The following CPED1 variants were observed in gnomAD, a reference collection of about 807,000 sequenced individuals.
CPED1 encodes the protein cadherin-like and PC-esterase domain-containing protein 1.
In CPED1, 114 loss-of-function variants were observed where a neutral mutation model predicts 128.2. The ratio of observed to expected loss-of-function variants is 0.89; its 90% confidence interval spans 0.76 to 1.04. The LOEUF is 1.04. CPED1 is among the 50% of genes least tolerant of loss of function. The probability of loss-of-function intolerance (pLI) is 0.00; values close to 1 mark genes in which losing one functional copy is unlikely to be tolerated. For missense variants in CPED1, 1,211 were observed against 1,207.1 expected (o/e 1.00, Z -0.05); for synonymous variants, 462 against 426.7 (o/e 1.08, Z -1.02).
chr7:121,118,557 T>TAA (rs34002082), intron 7 of CPED1, among the ~76,000 whole-genome samples: 3 of 115,146 alleles, frequency 2.6e-5, no homozygotes, highest in African/African-American at 7.1e-5. Context: ...AGACTCTGTC[T>TAA]AAAAAAAAAA....
At chr7:121,282,247 A>T (rs561352134) in intron 22 of CPED1, among the ~76,000 whole-genome samples, 1 of 152,274 alleles carries the variant, frequency 6.6e-6, no homozygotes, top group African/African-American at 2.4e-5. Flanking sequence ...TCAAGGCCTA[A>T]ATCTTTCACT....
chr7:121,204,992 G>C (rs974340448), intron 16 of CPED1, among the ~76,000 whole-genome samples: 1 of 151,972 alleles, frequency 6.6e-6, no homozygotes, highest in African/African-American at 2.4e-5. Context: ...TTCTTTTCTG[G>C]GATGCAGTTC....
intron 2 of CPED1, among the ~76,000 whole-genome samples, chr7:121,013,111 C>T (rs1041234852): frequency 5.3e-5 from 8 of 152,142 alleles, no homozygotes; most frequent in African/African-American, 1.7e-4. Flanking sequence ...TATTGGGAAG[C>T]ATCTGTCTTC....
At chr7:121,136,720 G>A (rs1023030650) in intron 14 of CPED1, among the ~76,000 whole-genome samples, 1 of 152,060 alleles carries the variant, frequency 6.6e-6, no homozygotes, top group Non-Finnish European at 1.5e-5. Flanking sequence ...CACAAAGCTA[G>A]ATCTTCAGAT....
At chr7:121,129,333 AT>A in intron 11 of CPED1, among the ~76,000 whole-genome samples, 1 of 130,852 alleles carries the variant, frequency 7.6e-6, no homozygotes, top group African/African-American at 2.8e-5. Context: ...ATATATATAT[AT>A]ACGTATATAT....
chr7:121,119,381 A>G (rs959580530), intron 7 of CPED1, among the ~76,000 whole-genome samples: 1 of 150,822 alleles, frequency 6.6e-6, no homozygotes, highest in South Asian at 2.1e-4. Flanking sequence ...TGGTCAGGCT[A>G]ATCTCCAACT....
intron 16 of CPED1, among the ~76,000 whole-genome samples, chr7:121,220,358 A>G (rs1347847727): frequency 2.0e-5 from 3 of 151,890 alleles, no homozygotes; most frequent in Non-Finnish European, 4.4e-5. Context: ...TCATCCCCCT[A>G]CCTGGAACAT....
intron 16 of CPED1, among the ~76,000 whole-genome samples, chr7:121,166,426 AT>A (rs1259386461): frequency 6.6e-6 from 1 of 152,202 alleles, no homozygotes; most frequent in Non-Finnish European, 1.5e-5. Context: ...GACATATATT[AT>A]ATTTACTTAT....
intron 5 of CPED1, among the ~76,000 whole-genome samples, chr7:121,083,257 T>A (rs566923572): frequency 2.6e-4 from 39 of 152,354 alleles, no homozygotes; most frequent in Middle Eastern, 6.8e-3. Flanking sequence ...TCCAGTCTTA[T>A]GCCTGGGATT....
At chr7:121,282,846 T>G (rs575787845) in intron 22 of CPED1, among the ~76,000 whole-genome samples, 15 of 152,232 alleles carry the variant, frequency 9.9e-5, no homozygotes, top group Admixed American at 5.2e-4. Context: ...GTCATGTGTC[T>G]TTATATAGTC....
At chr7:121,238,949 A>C (rs1450486037) in intron 17 of CPED1, among the ~76,000 whole-genome samples, 3 of 152,052 alleles carry the variant, frequency 2.0e-5, no homozygotes, top group African/African-American at 7.2e-5. Context: ...CCATCCACAG[A>C]AGACTATGAG....
intron 16 of CPED1, among the ~76,000 whole-genome samples, chr7:121,212,269 G>T (rs187758978): frequency 5.0e-4 from 76 of 152,070 alleles, no homozygotes; most frequent in African/African-American, 1.5e-3. Flanking sequence ...GTATTTTATG[G>T]CTAAGGACTG....
At chr7:121,046,762 T>C (rs1273716955) in intron 3 of CPED1, 125 bp from the exon 4 acceptor site, 5 of 604,318 alleles carry the variant, frequency 8.3e-6, no homozygotes, top group African/African-American at 1.9e-5. Context: ...GTCTTAAGTA[T>C]ATTTGAGATC....
intron 2 of CPED1, among the ~76,000 whole-genome samples, chr7:120,993,255 A>G (rs1308860473): frequency 6.6e-6 from 1 of 152,252 alleles, no homozygotes; most frequent in East Asian, 1.9e-4. Flanking sequence ...AGCACATTAA[A>G]TTATAAACAG....
At chr7:121,086,874 T>A (rs1794437792) in intron 5 of CPED1, among the ~76,000 whole-genome samples, 1 of 152,188 alleles carries the variant, frequency 6.6e-6, no homozygotes, top group African/African-American at 2.4e-5. Flanking sequence ...AATGGAAAAT[T>A]CATGCACTTT....
intron 5 of CPED1, among the ~76,000 whole-genome samples, chr7:121,085,801 A>C (rs1407399191): frequency 6.6e-6 from 1 of 152,196 alleles, no homozygotes; most frequent in Non-Finnish European, 1.5e-5. Context: ...TTAAAAGAAC[A>C]ACAACAAAAA....
chr7:121,263,946 T>C (rs1388478646), intron 18 of CPED1, among the ~76,000 whole-genome samples: 1 of 152,098 alleles, frequency 6.6e-6, no homozygotes, highest in Non-Finnish European at 1.5e-5. Context: ...ACATTGACAT[T>C]CTAACCCCCA....
At chr7:121,218,283 G>A (rs1163219121) in intron 16 of CPED1, among the ~76,000 whole-genome samples, 6 of 151,354 alleles carry the variant, frequency 4.0e-5, no homozygotes, top group African/African-American at 1.5e-4. Flanking sequence ...GGCAAAAATC[G>A]CAATTACTTT....
At chr7:121,192,355 G>A (rs1797159649) in intron 16 of CPED1, among the ~76,000 whole-genome samples, 1 of 152,122 alleles carries the variant, frequency 6.6e-6, no homozygotes, top group Non-Finnish European at 1.5e-5. Flanking sequence ...TCTTGGATTA[G>A]GGCTGCTCAA....
Sources: gnomAD v4.1 joint callset for allele counts (sites outside exome capture counted in the v4.1 genomes callset) on GRCh38, gnomAD v4.1.1 for gene constraint, MANE v1.5 for transcripts, NCBI Gene and HGNC (gene_info 2026-07-23, HGNC 2026-07-21) for gene names.